Variants in COG5 observed in about 807,000 individuals in gnomAD.
The protein encoded by COG5 is component of oligomeric golgi complex 5.
COG5 carries 86 observed loss-of-function variants against 110.4 expected under a neutral mutation model. The observed-to-expected ratio is 0.78, with a 90% CI of 0.65 to 0.93. The LOEUF (loss-of-function observed/expected upper bound fraction) is 0.93. COG5 is among the 40% of genes least tolerant of loss of function. COG5 has a pLI of 0.00. For missense variants in COG5, 1,077 were observed against 987.0 expected, an observed-to-expected ratio of 1.09 and a Z score of -1.22; for synonymous variants, 360 against 334.6, an observed-to-expected ratio of 1.08 and a Z score of -0.83.
At chr7:107,443,454 ACT>A (rs1364541242) in intron 6 of COG5, among the ~76,000 whole-genome samples, 1 of 152,054 alleles carries the variant, frequency 6.6e-6, no homozygotes, top group African/African-American at 2.4e-5. Flanking sequence ...CAATTGCACA[ACT>A]CTCTGGATAT....
intron 7 of COG5, among the ~76,000 whole-genome samples, chr7:107,399,082 GC>G (rs1791231242): frequency 6.6e-6 from 1 of 151,972 alleles, no homozygotes; most frequent in Non-Finnish European, 1.5e-5. Context: ...TGTGCCTGTA[GC>G]CCCAGCTACT....
chr7:107,204,009 C>T (rs1440114076), intron 21 of COG5, among the ~76,000 whole-genome samples: 1 of 152,172 alleles, frequency 6.6e-6, no homozygotes, highest in East Asian at 1.9e-4. Context: ...CATCCTGCGC[C>T]TCTGAAAGGC....
At chr7:107,381,444 T>C (rs1040863473) in intron 7 of COG5, among the ~76,000 whole-genome samples, 2 of 152,256 alleles carry the variant, frequency 1.3e-5, no homozygotes, top group Non-Finnish European at 2.9e-5. Context: ...AAAATTGTAA[T>C]GTCTAAGTAT....
chr7:107,368,599 C>A (rs1343193994), intron 8 of COG5, among the ~76,000 whole-genome samples: 1 of 152,098 alleles, frequency 6.6e-6, no homozygotes, highest in African/African-American at 2.4e-5. Flanking sequence ...TTTTAAAAAG[C>A]ATGTATCTTA....
chr7:107,291,648 C>T lies in COG5; in HGVS notation c.1313+6494G>A, dbSNP rs141585924. On this transcript the variant is annotated intron_variant, in intron 12 of 21. Coordinates refer to ENST00000297135, the MANE Select transcript of COG5 (RefSeq NM_006348.5). ...ACACCCAGATACTAAACTCCATTAA[C>T]TGACTGCTCTACATTTTCAACAATG... Among the ~76,000 whole-genome samples, 666 of 152,274 alleles carry T rather than the reference C, an allele frequency of 4.4e-3. 4 individuals carry two copies. Among genetic ancestry groups the T allele is most frequent in the Middle Eastern group, 0.01 (3 of 294 alleles).
intron 6 of COG5, among the ~76,000 whole-genome samples, chr7:107,426,486 G>T (rs1793649233): frequency 1.3e-5 from 2 of 152,186 alleles, no homozygotes; most frequent in Admixed American, 1.3e-4. Context: ...GGAAGTTCAA[G>T]ATCAGGGTGC....
intron 6 of COG5, among the ~76,000 whole-genome samples, chr7:107,487,389 T>TG (rs1797713659): frequency 6.6e-6 from 1 of 152,168 alleles, no homozygotes; most frequent in Admixed American, 6.6e-5. Context: ...TTTTAAGAGA[T>TG]GGGGGTCTCA....
chr7:107,542,103 G>T (rs376822351), intron 5 of COG5, among the ~76,000 whole-genome samples: 2 of 152,128 alleles, frequency 1.3e-5, no homozygotes, highest in African/African-American at 4.8e-5. Context: ...TATCTTCATA[G>T]CTTCAGGGTA....
At chr7:107,368,542 A>G (rs543135462) in intron 8 of COG5, among the ~76,000 whole-genome samples, 1 of 152,270 alleles carries the variant, frequency 6.6e-6, no homozygotes, top group African/African-American at 2.4e-5. Flanking sequence ...ATAATTCATT[A>G]AGCTACATGT....
At chr7:107,541,826 G>T (rs986032298) in intron 5 of COG5, among the ~76,000 whole-genome samples, 1 of 151,172 alleles carries the variant, frequency 6.6e-6, no homozygotes, top group African/African-American at 2.4e-5. Context: ...AGCTACTCAG[G>T]AGGCTGAGGC....
chr7:107,259,232 T>A (rs1176721333), intron 14 of COG5, among the ~76,000 whole-genome samples: 1 of 152,142 alleles, frequency 6.6e-6, no homozygotes, highest in African/African-American at 2.4e-5. Context: ...TTAAACTTGA[T>A]CAGGACATAG....
chr7:107,460,959 C>T (rs1392462903), intron 6 of COG5, among the ~76,000 whole-genome samples: 1 of 151,918 alleles, frequency 6.6e-6, no homozygotes, highest in Non-Finnish European at 1.5e-5. Context: ...TAATTTAAAA[C>T]TTTGAACAAC....
chr7:107,385,732 T>C (rs944065147), intron 7 of COG5, among the ~76,000 whole-genome samples: 7 of 151,648 alleles, frequency 4.6e-5, no homozygotes, highest in African/African-American at 1.5e-4. Flanking sequence ...AGTTATTTAA[T>C]GAGTATAGAG....
At chr7:107,418,104 A>C (rs1407206023) in intron 6 of COG5, among the ~76,000 whole-genome samples, 2 of 152,106 alleles carry the variant, frequency 1.3e-5, no homozygotes, top group Non-Finnish European at 2.9e-5. Context: ...TCAAAATATA[A>C]AATTGTGGTT....
intron 14 of COG5, among the ~76,000 whole-genome samples, chr7:107,274,731 T>C (rs1804561611): frequency 6.6e-6 from 1 of 152,210 alleles, no homozygotes; most frequent in South Asian, 2.1e-4. Flanking sequence ...CAGCGGTTGT[T>C]GGTTACACAG....
At chr7:107,210,666 G>A (rs1799099542) in intron 20 of COG5, 61 bp from the exon 21 acceptor site, 6 of 1,522,202 alleles carry the variant, frequency 3.9e-6, no homozygotes, top group Middle Eastern at 3.4e-4. Context: ...ATGGCAGCAA[G>A]TGCTGGTTCG....
rs1178235547 is a variant in COG5, at chr7:107,295,091, ATATATATATATTTT to A, written c.1313+3037_1313+3050del. Among the ~76,000 whole-genome samples the A allele has an allele frequency of 2.7e-4, 20 of 74,660 alleles. No individual in the cohort carries two copies. In the South Asian group the frequency reaches 6.4e-3, roughly 24 times the overall value. The allele number at this position is 74,660 out of a possible 152,430, so 49.0% of individuals were successfully genotyped here. A position where few individuals can be genotyped will look rare whatever the true frequency, so the allele number is the denominator to read the frequency against. ...CATATATATATATATATATATATAT[ATATATATATATTTT>A]TTTTTTTTTTTTGTAGAGTCAGGAT... On this transcript the variant is annotated intron_variant, in intron 12 of 21. Coordinates refer to ENST00000297135, the MANE Select transcript of COG5 (RefSeq NM_006348.5).
intron 15 of COG5, among the ~76,000 whole-genome samples, chr7:107,257,258 G>T (rs1802961521): frequency 6.6e-6 from 1 of 152,002 alleles, no homozygotes; most frequent in Admixed American, 6.6e-5. Flanking sequence ...AGGCTAGATA[G>T]AACACAATCT....
chr7:107,327,522 G>A (rs769839446), intron 10 of COG5, among the ~76,000 whole-genome samples: 53 of 152,154 alleles, frequency 3.5e-4, no homozygotes, highest in Non-Finnish European at 6.2e-4. Flanking sequence ...CAGAATGGGG[G>A]AAAACATTTG....
Sources: allele counts gnomAD v4.1 joint callset (sites outside exome capture counted in the v4.1 genomes callset), GRCh38; gene constraint gnomAD v4.1.1; transcripts MANE v1.5; gene names NCBI Gene and HGNC (gene_info 2026-07-23, HGNC 2026-07-21).